The following FSTL1 variants were observed in gnomAD, a reference collection of about 807,000 sequenced individuals.
FSTL1 encodes the protein follistatin-related protein 1.
FSTL1 carries 24 observed loss-of-function variants against 45.9 expected under a neutral mutation model. The observed-to-expected ratio is 0.52, with a 90% CI of 0.38 to 0.74. The LOEUF (loss-of-function observed/expected upper bound fraction) is 0.74, where lower values mean the gene tolerates loss of function less well. FSTL1 is among the 30% of genes least tolerant of loss of function. The probability of loss-of-function intolerance (pLI) is 0.00; values close to 1 mark genes in which losing one functional copy is unlikely to be tolerated. For missense variants in FSTL1, 340 were observed against 381.8 expected, an observed-to-expected ratio of 0.89 and a Z score of 0.91; for synonymous variants, 120 against 137.6, an observed-to-expected ratio of 0.87 and a Z score of 0.89.
At chr3:120,416,144 C>T (rs981952303) in intron 2 of FSTL1, 117 bp from the exon 3 acceptor site, 2 of 774,318 alleles carry the variant, frequency 2.6e-6, no homozygotes, top group Non-Finnish European at 4.5e-6. Context: ...GGCTCATGGT[C>T]TTAAACAGCT....
At chr3:120,440,414 C>T (rs1025728327) in intron 2 of FSTL1, among the ~76,000 whole-genome samples, 1 of 152,206 alleles carries the variant, frequency 6.6e-6, no homozygotes, top group African/African-American at 2.4e-5. Flanking sequence ...TTTCAAACTT[C>T]CACAAGACAC....
Position 120,403,343 on chromosome 3 carries a change from A to G in FSTL1, c.593T>C (p.Val198Ala). ...ATCAGACAGTTCAATGAGAGCATCAACACAGAGTCCCCTGAAACAAAACAC... is the reference window on the plus strand; with the variant it reads ...ATCAGACAGTTCAATGAGAGCATCAGCACAGAGTCCCCTGAAACAAAACAC... ...ENNKLLRGLC[V>A]DALIELSDEN... Residue 198 changes from valine (V) to alanine (A), a missense_variant, in exon 8 of 11, where the codon GTT becomes GCT. Coordinates refer to ENST00000295633, the MANE Select transcript of FSTL1 (RefSeq NM_007085.5). 1 of 1,595,340 alleles carries G rather than the reference A, an allele frequency of 6.3e-7. No individual in the cohort carries two copies. The highest frequency in any genetic ancestry group is 1.1e-5 in the South Asian group (1 of 90,718).
chr3:120,445,005 T>A (rs997915685), intron 2 of FSTL1, among the ~76,000 whole-genome samples: 4 of 149,850 alleles, frequency 2.7e-5, no homozygotes, highest in Non-Finnish European at 5.9e-5. Flanking sequence ...ATAACATGAC[T>A]GACATCTTAT....
intron 2 of FSTL1, among the ~76,000 whole-genome samples, chr3:120,443,040 A>T (rs1431111169): frequency 1.4e-5 from 2 of 147,588 alleles, no homozygotes; most frequent in South Asian, 2.1e-4. Context: ...ACATGTATAC[A>T]TATGTAACTA....
chr3:120,402,903 T>C lies in FSTL1; in HGVS notation c.710A>G (p.Asp237Gly), dbSNP rs1936854377. 1.9e-6 allele frequency: 3 copies of C among 1,609,124 alleles called. No individual in the cohort carries two copies. Among genetic ancestry groups the C allele is most frequent in the Non-Finnish European group, 1.7e-6 (2 of 1,175,714 alleles). ...NPPEKKCALE[D>G]ETYADGAETE... ...CTCAGCTCCATCTGCATACGTTTCA[T>C]CCTCCAGGGCACACTCTGTTGGGCC... Residue 237 changes from aspartate (D) to glycine (G), a missense_variant, in exon 9 of 11, where the codon GAT becomes GGT. Coordinates refer to ENST00000295633, the MANE Select transcript of FSTL1 (RefSeq NM_007085.5).
intron 2 of FSTL1, among the ~76,000 whole-genome samples, chr3:120,424,669 G>T (rs952583651): frequency 2.6e-5 from 4 of 152,118 alleles, no homozygotes; most frequent in African/African-American, 9.7e-5. Context: ...GTTATAGAAG[G>T]AAGGGATCCA....
At chr3:120,432,185 G>A (rs935636984) in intron 2 of FSTL1, among the ~76,000 whole-genome samples, 5 of 152,014 alleles carry the variant, frequency 3.3e-5, no homozygotes, top group African/African-American at 1.2e-4. Flanking sequence ...CATTTTCTTG[G>A]CTTGACTGCT....
chr3:120,409,405 T>G, intron 6 of FSTL1, 127 bp downstream of exon 6: 1 of 828,506 alleles, frequency 1.2e-6, no homozygotes, highest in Non-Finnish European at 1.9e-6. Flanking sequence ...TGATCTATGA[T>G]GAGGAAACTC....
intron 2 of FSTL1, among the ~76,000 whole-genome samples, chr3:120,421,865 G>C (rs1416495295): frequency 6.6e-6 from 1 of 152,158 alleles, no homozygotes; most frequent in South Asian, 2.1e-4. Flanking sequence ...AAGCTTAAAT[G>C]GTTTAGGGAG....
At chr3:120,442,955 AG>A (rs1937656340) in intron 2 of FSTL1, among the ~76,000 whole-genome samples, 1 of 56,946 alleles carries the variant, frequency 1.8e-5, no homozygotes, top group South Asian at 7.6e-4. Context: ...GGGTGGGGGG[AG>A]GGGGGAGGGA....
intron 5 of FSTL1, chr3:120,410,467 CT>C (rs1181604615): frequency 6.9e-6 from 2 of 291,634 alleles, no homozygotes; most frequent in Admixed American, 4.7e-5. Flanking sequence ...ATAAGATCTA[CT>C]TCACAAAGGC....
chr3:120,441,872 A>C (rs1937632299), intron 2 of FSTL1, among the ~76,000 whole-genome samples: 1 of 152,252 alleles, frequency 6.6e-6, no homozygotes, highest in Non-Finnish European at 1.5e-5. Flanking sequence ...ACAGGCTCAG[A>C]GAGGTTTTAA....
intron 2 of FSTL1, among the ~76,000 whole-genome samples, chr3:120,436,548 T>C (rs569377691): frequency 1.3e-5 from 2 of 152,364 alleles, no homozygotes; most frequent in East Asian, 3.9e-4. Context: ...ATAAAGTGAA[T>C]GTCTTTCTCC....
At chr3:120,439,775 C>A (rs1034078039) in intron 2 of FSTL1, among the ~76,000 whole-genome samples, 6 of 152,158 alleles carry the variant, frequency 3.9e-5, no homozygotes, top group Admixed American at 6.5e-5. Context: ...TTATTTAATG[C>A]GGAACAGTTG....
intron 2 of FSTL1, among the ~76,000 whole-genome samples, chr3:120,442,351 TA>T (rs1559745278): frequency 1.3e-5 from 2 of 151,740 alleles, no homozygotes; most frequent in African/African-American, 4.8e-5. Flanking sequence ...TAACTGAAGA[TA>T]CAAGTTAGAG....
chr3:120,393,118 T>C lies in FSTL1; in HGVS notation c.*3834A>G, dbSNP rs917949941. ...GGTACCCTTCAAACTGGGTTTAAGA[T>C]TCCCTTCTGAGAATGAAAATTTGAA... On this transcript the variant is annotated 3_prime_UTR_variant, in exon 11 of 11. Transcript: ENST00000295633. The C allele has an allele frequency of 6.6e-6, 1 of 152,174 alleles. No homozygotes were observed. The highest frequency in any genetic ancestry group is 1.5e-5 in the Non-Finnish European group (1 of 68,028). The allele number at this position is 152,174 out of a possible 1,614,324, so 9.4% of individuals were successfully genotyped here.
chr3:120,448,111 T>C (rs563728118), intron 2 of FSTL1, among the ~76,000 whole-genome samples: 1 of 152,368 alleles, frequency 6.6e-6, no homozygotes, highest in Non-Finnish European at 1.5e-5. Context: ...ACATGATTTG[T>C]AAAGTGATTA....
Position 120,399,920 on chromosome 3 carries a change from T to G in FSTL1, c.845A>C (p.Glu282Ala), listed in dbSNP as rs1576205824. The G allele has an allele frequency of 6.2e-7, 1 of 1,609,476 alleles. No homozygotes were observed. Among genetic ancestry groups the G allele is most frequent in the East Asian group, 2.2e-5 (1 of 44,832 alleles). Reference sequence around the variant, plus strand: ...GAGCTCCTGGACATATCTGGTCATCTCCTCCTCTGTCTGGGTCTGGGCCCC... The same window carrying G: ...GAGCTCCTGGACATATCTGGTCATCGCCTCCTCTGTCTGGGTCTGGGCCCC... ...QKGAQTQTEE[E>A]MTRYVQELQK... The change falls in exon 10 of 11, where the codon GAG becomes GCG. Residue 282 changes from glutamate (E) to alanine (A), a missense_variant. Coordinates refer to ENST00000295633, the MANE Select transcript of FSTL1 (RefSeq NM_007085.5).
At position 120,394,692 on chromosome 3, in the gene FSTL1, T is replaced by C. The variant is rs540207818; in HGVS notation, c.*2260A>G. On this transcript the variant is annotated 3_prime_UTR_variant, in exon 11 of 11. Transcript: ENST00000295633. ...AGGAACCAAACCTAGTTTAATCCTGTTTGTTTGCTCCATGCAAAACTTTAT... is the reference window on the plus strand; with the variant it reads ...AGGAACCAAACCTAGTTTAATCCTGCTTGTTTGCTCCATGCAAAACTTTAT... 2.0e-5 allele frequency: 3 copies of C among 152,346 alleles called. No homozygotes were observed. In the East Asian group the frequency reaches 5.8e-4, roughly 29 times the overall value. 9.4% of individuals were successfully genotyped at this position (152,346 alleles called of 1,614,324 possible). A position where few individuals can be genotyped will look rare whatever the true frequency, so the allele number is the denominator to read the frequency against.
Sources: gnomAD v4.1 joint callset for allele counts (sites outside exome capture counted in the v4.1 genomes callset) on GRCh38, gnomAD v4.1.1 for gene constraint, MANE v1.5 for transcripts, NCBI Gene and HGNC (gene_info 2026-07-23, HGNC 2026-07-21) for gene names.